The following CLEC9A variants were observed in gnomAD, a reference collection of about 807,000 sequenced individuals.
CLEC9A encodes the protein C-type lectin domain family 9 member A.
Under a neutral mutation model 30.0 loss-of-function variants are expected in CLEC9A, and 24 were observed. The observed-to-expected ratio is 0.80, with a 90% CI of 0.58 to 1.13. The LOEUF (loss-of-function observed/expected upper bound fraction) is 1.13, where lower values mean the gene tolerates loss of function less well. CLEC9A is among the 50% of genes most tolerant of loss of function. The pLI is 0.00. For missense variants in CLEC9A, 251 were observed against 280.9 expected, an observed-to-expected ratio of 0.89 and a Z score of 0.76; for synonymous variants, 111 against 96.8, an observed-to-expected ratio of 1.15 and a Z score of -0.86.
In CLEC9A at chr12:10,063,040, T is replaced by C; in HGVS notation, c.320-15T>C. On this transcript the variant is annotated splice_polypyrimidine_tract_variant and intron_variant, in intron 6 of 8. Transcript: ENST00000355819. ...TTTACAATAAGATACTAAAGTAAAA[T>C]GTTTATATTCAAAGCCCATAACAGC... 3 of 1,575,972 alleles carry C rather than the reference T, an allele frequency of 1.9e-6. No homozygotes were observed. In the South Asian group the frequency reaches 3.5e-5, roughly 19 times the overall value.
chr12:10,061,420 A>G lies in CLEC9A; in HGVS notation c.319+147A>G, dbSNP rs555250553. The stretch of plus-strand genomic sequence containing the variant: ...ATAATTTTGGTCACTCTTCAGTTCA[A>G]TCTTATTTATAACATCCAATACTAC... On this transcript the variant is annotated intron_variant, in intron 6 of 8. Coordinates refer to ENST00000355819, the MANE Select transcript of CLEC9A (RefSeq NM_207345.4). The G allele has an allele frequency of 5.1e-4, 355 of 700,132 alleles. 2 individuals carry two copies. The highest frequency in any genetic ancestry group is 4.7e-3 in the African/African-American group (251 of 53,488). 43.4% of individuals were successfully genotyped at this position (700,132 alleles called of 1,614,324 possible). A position where few individuals can be genotyped will look rare whatever the true frequency, so the allele number is the denominator to read the frequency against.
intron 2 of CLEC9A, among the ~76,000 whole-genome samples, chr12:10,049,707 C>G (rs181518768): frequency 6.6e-6 from 1 of 152,286 alleles, no homozygotes; most frequent in East Asian, 1.9e-4. Context: ...GGGCTTTGCT[C>G]TGAATTAGGC....
intron 4 of CLEC9A, chr12:10,052,979 C>A (rs561562906): frequency 5.8e-5 from 28 of 479,298 alleles, no homozygotes; most frequent in Admixed American, 2.3e-4. Flanking sequence ...GATAAACGTG[C>A]GGAACTATTT....
chr12:10,041,812 A>G (rs1865800267), intron 2 of CLEC9A, among the ~76,000 whole-genome samples, 192 bp downstream of exon 2: 1 of 152,234 alleles, frequency 6.6e-6, no homozygotes, highest in Admixed American at 6.5e-5. Flanking sequence ...CAACATTGCT[A>G]GAGTTGATTG....
At chr12:10,031,230 C>G (rs1565586344) in intron 1 of CLEC9A, among the ~76,000 whole-genome samples, 1 of 152,162 alleles carries the variant, frequency 6.6e-6, no homozygotes, top group Non-Finnish European at 1.5e-5. Flanking sequence ...GAGGGGAAGG[C>G]TGGAGCCGCT....
intron 2 of CLEC9A, among the ~76,000 whole-genome samples, chr12:10,043,709 G>A (rs1865819327): frequency 6.6e-6 from 1 of 151,278 alleles, no homozygotes; most frequent in African/African-American, 2.4e-5. Flanking sequence ...GAGAGATGGA[G>A]TCTCGCTCTA....
chr12:10,064,723 G>GTC lies in CLEC9A; in HGVS notation c.472-6_472-5dup, dbSNP rs202165589. 8.4e-7 allele frequency: 1 copy of GTC among 1,188,902 alleles called. No individual in the cohort carries two copies. The highest frequency in any genetic ancestry group is 2.7e-5 in the African/African-American group (1 of 36,772). 73.6% of individuals were successfully genotyped at this position (1,188,902 alleles called of 1,614,324 possible). A position where few individuals can be genotyped will look rare whatever the true frequency, so the allele number is the denominator to read the frequency against. On this transcript the variant is annotated splice_polypyrimidine_tract_variant and intron_variant, in intron 7 of 8. Coordinates refer to ENST00000355819, the MANE Select transcript of CLEC9A (RefSeq NM_207345.4). ...TTTCTCATTTCACAGTTCAATTTTT[G>GTC]TCTCATAGGATTTTATCACTGGCAG...
chr12:10,064,869 A>G lies in CLEC9A; in HGVS notation c.593+16A>G. 6.2e-7 allele frequency: 1 copy of G among 1,600,858 alleles called. No individual in the cohort carries two copies. Among genetic ancestry groups the G allele is most frequent in the Non-Finnish European group, 8.5e-7 (1 of 1,175,432 alleles). On this transcript the variant is annotated intron_variant, in intron 8 of 8. Coordinates refer to ENST00000355819, the MANE Select transcript of CLEC9A (RefSeq NM_207345.4). ...CTCCTGGCCTGTAAGTCTCTGAGTG[A>G]AATGCTACAAGAAAAGTTAGAAACA...
chr12:10,032,528 C>G (rs1357339233), intron 1 of CLEC9A, among the ~76,000 whole-genome samples: 5 of 151,458 alleles, frequency 3.3e-5, no homozygotes, highest in African/African-American at 4.9e-5. Flanking sequence ...GTAGCTGGGA[C>G]TAAAGGCACC....
intron 2 of CLEC9A, chr12:10,045,623 A>G: frequency 3.9e-6 from 1 of 254,308 alleles, no homozygotes; most frequent in Non-Finnish European, 8.7e-6. Flanking sequence ...TGGACCAGCT[A>G]CCTTAATGCA....
intron 6 of CLEC9A, among the ~76,000 whole-genome samples, 192 bp from the exon 7 acceptor site, chr12:10,062,863 C>T (rs994371997): frequency 5.3e-5 from 8 of 152,090 alleles, no homozygotes; most frequent in African/African-American, 1.7e-4. Context: ...AGGCCCATTG[C>T]AGATAGAAAT....
intron 2 of CLEC9A, among the ~76,000 whole-genome samples, chr12:10,043,949 CATTACAG>C (rs1865822138): frequency 6.6e-6 from 1 of 151,994 alleles, no homozygotes; most frequent in Non-Finnish European, 1.5e-5. Flanking sequence ...AAAGTGCTGG[CATTACAG>C]GCATAAGCCA....
At chr12:10,057,778 A>G (rs1388265034) in intron 5 of CLEC9A, among the ~76,000 whole-genome samples, 3 of 152,070 alleles carry the variant, frequency 2.0e-5, no homozygotes, top group Non-Finnish European at 4.4e-5. Context: ...AAGTAGACTT[A>G]ACTTTAATTT....
At chr12:10,061,829 A>G (rs1212981589) in intron 6 of CLEC9A, among the ~76,000 whole-genome samples, 1 of 152,180 alleles carries the variant, frequency 6.6e-6, no homozygotes, top group African/African-American at 2.4e-5. Context: ...TCTACCTGTC[A>G]TATAGTTTGC....
intron 1 of CLEC9A, among the ~76,000 whole-genome samples, chr12:10,032,200 T>C (rs1865703831): frequency 6.6e-6 from 1 of 152,128 alleles, no homozygotes; most frequent in African/African-American, 2.4e-5. Flanking sequence ...TGGCAGTTTC[T>C]TACAGAGCTA....
intron 4 of CLEC9A, among the ~76,000 whole-genome samples, chr12:10,053,745 C>CT (rs111513194): frequency 0.042 from 6,212 of 149,456 alleles, 291 homozygotes; most frequent in East Asian, 0.25. Flanking sequence ...TCACATATTC[C>CT]TTTTTTTTTT....
chr12:10,047,871 G>C (rs1316689999), intron 2 of CLEC9A, among the ~76,000 whole-genome samples: 1 of 152,168 alleles, frequency 6.6e-6, no homozygotes, highest in Non-Finnish European at 1.5e-5. Flanking sequence ...GACGTTGATG[G>C]ATGCTGACTG....
intron 1 of CLEC9A, among the ~76,000 whole-genome samples, chr12:10,038,279 TTTTG>T (rs1455174261): frequency 2.6e-5 from 4 of 152,232 alleles, no homozygotes; most frequent in African/African-American, 7.2e-5. Flanking sequence ...GTACTGTCTT[TTTTG>T]TTTGTTTGTT....
At chr12:10,050,541 A>G (rs1050896783) in intron 2 of CLEC9A, among the ~76,000 whole-genome samples, 9 of 152,250 alleles carry the variant, frequency 5.9e-5, no homozygotes, top group African/African-American at 2.2e-4. Flanking sequence ...TCGGAATATA[A>G]TTAGCAATAA....
Sources: gnomAD v4.1 joint callset for allele counts (sites outside exome capture counted in the v4.1 genomes callset) on GRCh38, gnomAD v4.1.1 for gene constraint, MANE v1.5 for transcripts, NCBI Gene and HGNC (gene_info 2026-07-23, HGNC 2026-07-21) for gene names.